VEPH1: variants seen among roughly 807,000 people sequenced by gnomAD.
The protein encoded by VEPH1 is ventricular zone expressed PH domain containing 1.
VEPH1 carries 80 observed loss-of-function variants against 85.2 expected under a neutral mutation model. The ratio of observed to expected loss-of-function variants is 0.94; its 90% CI spans 0.78 to 1.13. The LOEUF is 1.13. Among genes scored for constraint, VEPH1 ranks in the 50% most tolerant of loss-of-function variants. The pLI is 0.00. For synonymous variants in VEPH1, 297 were observed against 348.0 expected (o/e 0.85, Z 1.63); for missense variants, 955 against 980.5 (o/e 0.97, Z 0.35).
intron 2 of VEPH1, among the ~76,000 whole-genome samples, chr3:157,491,231 G>A (rs757904251): frequency 1.3e-5 from 2 of 152,130 alleles, no homozygotes; most frequent in African/African-American, 2.4e-5. Flanking sequence ...GTGATTCTGT[G>A]TGCCTGGTGT....
chr3:157,280,674 C>G (rs1246503830), intron 12 of VEPH1, among the ~76,000 whole-genome samples: 1 of 152,124 alleles, frequency 6.6e-6, no homozygotes, highest in Non-Finnish European at 1.5e-5. Flanking sequence ...GCAATGTTTT[C>G]TTCTCATGAA....
In VEPH1 at chr3:157,460,341, G is replaced by C; in HGVS notation, c.369C>G (p.Pro123=). 1 of 1,612,374 alleles carries C rather than the reference G, an allele frequency of 6.2e-7. No homozygotes were observed. The highest frequency in any genetic ancestry group is 1.1e-5 in the South Asian group (1 of 90,860). The change falls in exon 4 of 14, where the codon CCC becomes CCG. Residue 123 remains proline (P), a synonymous_variant. Transcript: ENST00000362010. ...TGGGGATGGCTAATGCCATCACTGG[G>C]GGTCGGTTGTAATTCTGAGGAAATA... ...MSCILQNYNR[P]PVMALAIPIA... is the part of the protein sequence containing the mutation.
chr3:157,303,736 T>C (rs1719098923), intron 11 of VEPH1, among the ~76,000 whole-genome samples: 1 of 152,104 alleles, frequency 6.6e-6, no homozygotes, highest in Non-Finnish European at 1.5e-5. Context: ...TTGGTCTGGC[T>C]TCTTAGGGTA....
At chr3:157,380,893 C>T (rs1358664674) in intron 7 of VEPH1, among the ~76,000 whole-genome samples, 2 of 152,138 alleles carry the variant, frequency 1.3e-5, no homozygotes, top group Non-Finnish European at 2.9e-5. Flanking sequence ...AGTAAATAAA[C>T]GGGTGCTATA....
chr3:157,328,382 A>C (rs996759100), intron 9 of VEPH1, among the ~76,000 whole-genome samples: 3 of 152,214 alleles, frequency 2.0e-5, no homozygotes, highest in Non-Finnish European at 2.9e-5. Flanking sequence ...TGTTGCTGTA[A>C]TGCTATTTTA....
At chr3:157,452,868 C>T (rs373217085) in intron 4 of VEPH1, among the ~76,000 whole-genome samples, 1 of 152,118 alleles carries the variant, frequency 6.6e-6, no homozygotes, top group Non-Finnish European at 1.5e-5. Context: ...ATTCATTCAC[C>T]TATTGTTGGC....
chr3:157,365,917 C>T (rs959500367), intron 7 of VEPH1, among the ~76,000 whole-genome samples: 1 of 152,106 alleles, frequency 6.6e-6, no homozygotes, highest in Admixed American at 6.5e-5. Flanking sequence ...AAATGATTAC[C>T]ATTGGCGGTT....
chr3:157,501,869 T>C (rs1577832100), intron 1 of VEPH1, among the ~76,000 whole-genome samples: 1 of 152,254 alleles, frequency 6.6e-6, no homozygotes, highest in East Asian at 1.9e-4. Flanking sequence ...TTTATTCACC[T>C]GTATTAAAAA....
Position 157,261,378 on chromosome 3 carries a change from G to T in VEPH1, c.2266-8C>A. ...GTCGTCAGGGTCATCTTTCTGAAAG[G>T]CATGGGAAGAAAAGAACATGGGCTG... On this transcript the variant is annotated splice_region_variant and splice_polypyrimidine_tract_variant and intron_variant, in intron 13 of 13. Transcript: ENST00000362010. The T allele has an allele frequency of 6.2e-7, 1 of 1,612,700 alleles. No individual in the cohort carries two copies. Among genetic ancestry groups the T allele is most frequent in the Middle Eastern group, 1.7e-4 (1 of 6,002 alleles).
intron 4 of VEPH1, chr3:157,437,387 C>T (rs1733685902): frequency 1.7e-6 from 2 of 1,189,022 alleles, no homozygotes; most frequent in East Asian, 2.6e-5. Flanking sequence ...CGGAGGTGTC[C>T]TTAAAGGGAA....
chr3:157,417,781 T>A (rs936398496), intron 5 of VEPH1, among the ~76,000 whole-genome samples: 4 of 152,274 alleles, frequency 2.6e-5, no homozygotes, highest in Admixed American at 2.6e-4. Flanking sequence ...CAGAGGCCCT[T>A]ACACCACAAA....
In VEPH1 at chr3:157,442,396, G is replaced by A. The variant is rs772750010; in HGVS notation, c.530-13908C>T. 1.9e-4 allele frequency: 307 copies of A among 1,612,870 alleles called. No individual in the cohort carries two copies. The highest frequency in any genetic ancestry group is 2.3e-4 in the Non-Finnish European group (273 of 1,178,982). ...GAAACAGCTATTTTATTCCCAATGC[G>A]TTCCAAGAAGATTTTTGGAAGCGTG... On this transcript the variant is annotated intron_variant, in intron 4 of 13. Transcript: ENST00000362010.
chr3:157,385,256 A>G (rs1729177571), intron 6 of VEPH1, among the ~76,000 whole-genome samples: 1 of 150,708 alleles, frequency 6.6e-6, no homozygotes, highest in Non-Finnish European at 1.5e-5. Flanking sequence ...CTATGCACAT[A>G]TTTTTCCACT....
chr3:157,315,874 C>T (rs777687532), intron 10 of VEPH1: 1 of 151,252 alleles, frequency 6.6e-6, no homozygotes, highest in African/African-American at 2.4e-5. Context: ...CTGATGAAAA[C>T]TAAGTGAAAA....
intron 9 of VEPH1, among the ~76,000 whole-genome samples, chr3:157,362,207 T>C (rs902614547): frequency 6.6e-6 from 1 of 152,032 alleles, no homozygotes; most frequent in Non-Finnish European, 1.5e-5. Context: ...ATTTCTGTAT[T>C]TGCAGTAGAG....
chr3:157,404,734 A>G (rs1233478772), intron 6 of VEPH1, among the ~76,000 whole-genome samples: 1 of 152,164 alleles, frequency 6.6e-6, no homozygotes, highest in African/African-American at 2.4e-5. Context: ...TCTTAGCAGA[A>G]TGGCTTGTGA....
intron 9 of VEPH1, among the ~76,000 whole-genome samples, chr3:157,360,617 C>T (rs1725944588): frequency 6.6e-6 from 1 of 152,040 alleles, no homozygotes; most frequent in Admixed American, 6.6e-5. Flanking sequence ...ACTTAACCTA[C>T]CGAACATCAT....
intron 4 of VEPH1, among the ~76,000 whole-genome samples, chr3:157,445,748 C>T (rs1025699767): frequency 2.6e-5 from 4 of 152,224 alleles, no homozygotes; most frequent in African/African-American, 7.2e-5. Context: ...AAGATCGCAC[C>T]ACTGCACTGC....
chr3:157,360,027 G>A (rs1029145320), intron 9 of VEPH1, among the ~76,000 whole-genome samples: 1 of 152,100 alleles, frequency 6.6e-6, no homozygotes, highest in African/African-American at 2.4e-5. Flanking sequence ...CATCAAGAAA[G>A]ATCAAATATG....
Sources: allele counts gnomAD v4.1 joint callset (sites outside exome capture counted in the v4.1 genomes callset), GRCh38; gene constraint gnomAD v4.1.1; transcripts MANE v1.5; gene names NCBI Gene and HGNC (gene_info 2026-07-23, HGNC 2026-07-21).